The following VMP1 variants were observed in gnomAD, a reference collection of about 807,000 sequenced individuals.
VMP1 encodes the protein vacuole membrane protein 1.
VMP1 carries 11 observed loss-of-function variants against 56.0 expected under a neutral mutation model. The ratio of observed to expected loss-of-function variants is 0.20; its 90% CI spans 0.12 to 0.32. VMP1 has a LOEUF of 0.32. Among genes scored for constraint, VMP1 ranks in the 10% least tolerant of loss-of-function variants. The pLI is 1.00. For synonymous variants in VMP1, 149 were observed against 165.0 expected, an observed-to-expected ratio of 0.90 and a Z score of 0.74; for missense variants, 296 against 490.3, an observed-to-expected ratio of 0.60 and a Z score of 3.74.
At chr17:59,780,918 A>AT (rs2036800895) in intron 7 of VMP1, among the ~76,000 whole-genome samples, 1 of 151,412 alleles carries the variant, frequency 6.6e-6, no homozygotes, top group South Asian at 2.1e-4. Context: ...CCTTTTCATG[A>AT]TTTTTTCACC....
At chr17:59,773,151 G>A (rs569775926) in intron 6 of VMP1, among the ~76,000 whole-genome samples, 54 of 151,616 alleles carry the variant, frequency 3.6e-4, no homozygotes, top group Non-Finnish European at 4.4e-4. Context: ...TAGTAGAGAT[G>A]GGGTTTCACC....
chr17:59,770,354 TCTCA>T (rs1291997681), intron 6 of VMP1, among the ~76,000 whole-genome samples: 1 of 152,176 alleles, frequency 6.6e-6, no homozygotes, highest in Non-Finnish European at 1.5e-5. Context: ...TTTAATATAC[TCTCA>T]CTCAAGTTCA....
At chr17:59,775,306 T>C (rs565418880) in intron 7 of VMP1, among the ~76,000 whole-genome samples, 1 of 152,214 alleles carries the variant, frequency 6.6e-6, no homozygotes, top group African/African-American at 2.4e-5. Context: ...TCCTAGCTAC[T>C]TGGGAGGCTG....
chr17:59,836,492 A>G (rs997988830), intron 10 of VMP1, among the ~76,000 whole-genome samples: 4 of 152,176 alleles, frequency 2.6e-5, no homozygotes, highest in African/African-American at 7.2e-5. Flanking sequence ...GCCACCACAC[A>G]TGGCCTAGAG....
At chr17:59,770,027 C>A (rs2036369358) in intron 6 of VMP1, among the ~76,000 whole-genome samples, 1 of 152,088 alleles carries the variant, frequency 6.6e-6, no homozygotes, top group Admixed American at 6.6e-5. Context: ...AGAGTACTGA[C>A]TCATGATTCC....
In VMP1 at chr17:59,817,660, GTTGGTTT is replaced by G. The variant is rs144880983; in HGVS notation, c.913-49_913-43del. On this transcript the variant is annotated intron_variant, in intron 9 of 11. Transcript: ENST00000262291. The stretch of plus-strand genomic sequence containing the variant: ...ACTATTACCAGAATTGTGAATTTAT[GTTGGTTT>G]TTTGATGACTAAATAATTTATTTTA... 3.1e-3 allele frequency: 4,221 copies of G among 1,382,374 alleles called. 96 individuals carry two copies. In the African/African-American group the frequency reaches 0.052, roughly 17 times the overall value. 85.6% of individuals were successfully genotyped at this position (1,382,374 alleles called of 1,614,324 possible). A position where few individuals can be genotyped will look rare whatever the true frequency, so the allele number is the denominator to read the frequency against.
intron 6 of VMP1, among the ~76,000 whole-genome samples, chr17:59,766,963 G>T (rs2036254917): frequency 6.6e-6 from 1 of 152,006 alleles, no homozygotes; most frequent in African/African-American, 2.4e-5. Context: ...TGTATTTTTA[G>T]TAGAGACGGG....
rs1568252625 is a variant in VMP1, at chr17:59,842,046, T to G, written c.*2135T>G. On this transcript the variant is annotated 3_prime_UTR_variant, in exon 12 of 12. Coordinates refer to ENST00000262291, the MANE Select transcript of VMP1 (RefSeq NM_030938.5). ...GGCATGCTCAGAGGTTCCTGCTGGA[T>G]TCCAGCTGGAGCGGTGTGATACCCT... is the stretch of plus-strand genomic sequence containing the variant. 6.6e-6 allele frequency: 1 copy of G among 152,226 alleles called. No individual in the cohort carries two copies. Among genetic ancestry groups the G allele is most frequent in the Non-Finnish European group, 1.5e-5 (1 of 68,044 alleles). The allele number at this position is 152,226 out of a possible 1,614,324, so 9.4% of individuals were successfully genotyped here. A position where few individuals can be genotyped will look rare whatever the true frequency, so the allele number is the denominator to read the frequency against.
intron 1 of VMP1, among the ~76,000 whole-genome samples, chr17:59,726,327 T>C (rs1598297113): frequency 6.6e-6 from 1 of 151,544 alleles, no homozygotes; most frequent in African/African-American, 2.4e-5. Flanking sequence ...GGAGTCCTGC[T>C]CTGTTGTCCA....
intron 5 of VMP1, among the ~76,000 whole-genome samples, chr17:59,752,761 G>A (rs1480684380): frequency 6.6e-6 from 1 of 152,110 alleles, no homozygotes; most frequent in African/African-American, 2.4e-5. Flanking sequence ...TGTGTAGGAT[G>A]AACAGGTCTA....
chr17:59,747,708 G>T (rs2035479127), intron 5 of VMP1, among the ~76,000 whole-genome samples: 1 of 151,338 alleles, frequency 6.6e-6, no homozygotes, highest in Non-Finnish European at 1.5e-5. Context: ...ACAGTGCCTG[G>T]CCAAGACCCC....
rs754889808 is a variant in VMP1 at position 59,738,825 on chromosome 17, C to A, written c.304-12C>A. The A allele has an allele frequency of 6.3e-7, 1 of 1,584,110 alleles. No individual in the cohort carries two copies. Among genetic ancestry groups the A allele is most frequent in the Non-Finnish European group, 8.7e-7 (1 of 1,155,046 alleles). Reference sequence around the variant, plus strand: ...GAGAATTCACGGTTTTCACCTCATCCCTTTTTTTCAGTATGTGCAACGTAT... The same window carrying A: ...GAGAATTCACGGTTTTCACCTCATCACTTTTTTTCAGTATGTGCAACGTAT... On this transcript the variant is annotated splice_polypyrimidine_tract_variant and intron_variant, in intron 4 of 11. Coordinates refer to ENST00000262291, the MANE Select transcript of VMP1 (RefSeq NM_030938.5).
intron 1 of VMP1, among the ~76,000 whole-genome samples, chr17:59,726,832 T>C (rs971334026): frequency 6.6e-6 from 1 of 152,226 alleles, no homozygotes; most frequent in Non-Finnish European, 1.5e-5. Flanking sequence ...ACATTATCTT[T>C]TGGCTGAATC....
chr17:59,733,608 A>T (rs2034915675), intron 2 of VMP1, among the ~76,000 whole-genome samples: 1 of 152,068 alleles, frequency 6.6e-6, no homozygotes, highest in South Asian at 2.1e-4. Context: ...AAGCTCAGGC[A>T]GGAGAACCGC....
At chr17:59,805,318 C>A (rs55801023) in intron 7 of VMP1, among the ~76,000 whole-genome samples, 11,471 of 152,202 alleles carry the variant, frequency 0.075, 601 homozygotes, top group Non-Finnish European at 0.12. Flanking sequence ...AAAAATGGCT[C>A]CTTACGTGTT....
chr17:59,760,746 G>C (rs923181331), intron 5 of VMP1, among the ~76,000 whole-genome samples: 2 of 151,556 alleles, frequency 1.3e-5, no homozygotes, highest in Admixed American at 6.6e-5. Context: ...TCAGCCTCCC[G>C]AGTAGCTGGG....
chr17:59,836,104 T>C (rs915493121), intron 10 of VMP1, among the ~76,000 whole-genome samples: 2 of 151,392 alleles, frequency 1.3e-5, no homozygotes, highest in African/African-American at 2.4e-5. Flanking sequence ...CTTTTATGTC[T>C]GTCACAGGTC....
chr17:59,787,313 G>A (rs868064422), intron 7 of VMP1, among the ~76,000 whole-genome samples: 4 of 152,002 alleles, frequency 2.6e-5, no homozygotes, highest in Non-Finnish European at 5.9e-5. Flanking sequence ...CACCTCACTC[G>A]CAGACTTTAA....
At chr17:59,809,484 A>ATTTTTTTTTTTTT (rs71145575) in intron 8 of VMP1, among the ~76,000 whole-genome samples, 2 of 52,716 alleles carry the variant, frequency 3.8e-5, no homozygotes, top group African/African-American at 1.0e-4. Flanking sequence ...CACCCAGCTA[A>ATTTTTTTTTTTTT]TTTTTTTTTT....
Sources: gnomAD v4.1 joint callset for allele counts (sites outside exome capture counted in the v4.1 genomes callset) on GRCh38, gnomAD v4.1.1 for gene constraint, MANE v1.5 for transcripts, NCBI Gene and HGNC (gene_info 2026-07-23, HGNC 2026-07-21) for gene names.